Variants in SLC25A21 observed in about 807,000 individuals in gnomAD.
SLC25A21 encodes the protein mitochondrial 2-oxodicarboxylate carrier.
A neutral mutation model predicts 43.8 loss-of-function variants in SLC25A21; 47 were observed. The observed-to-expected ratio is 1.07, with a 90% CI of 0.85 to 1.37. The LOEUF (loss-of-function observed/expected upper bound fraction) is 1.37. SLC25A21 is among the 40% of genes most tolerant of loss of function. The pLI, the probability that SLC25A21 is intolerant of heterozygous loss-of-function variation, is 0.00. For missense variants in SLC25A21, 352 were observed against 350.2 expected (o/e 1.00, Z -0.04); for synonymous variants, 131 against 121.3 (o/e 1.08, Z -0.52).
At chr14:37,080,664 T>C (rs1438793870) in intron 1 of SLC25A21, among the ~76,000 whole-genome samples, 2 of 152,192 alleles carry the variant, frequency 1.3e-5, no homozygotes, top group African/African-American at 4.8e-5. Context: ...GAATACTAAT[T>C]GAACAAATGA....
intron 3 of SLC25A21, among the ~76,000 whole-genome samples, chr14:36,787,530 G>A (rs914693940): frequency 9.9e-5 from 15 of 152,054 alleles, no homozygotes; most frequent in African/African-American, 3.6e-4. Context: ...CAAAATTAAT[G>A]TTGAAATTAA....
Position 36,878,797 on chromosome 14 carries a change from T to C in SLC25A21, c.71-3793A>G, listed in dbSNP as rs539955073. On this transcript the variant is annotated intron_variant, in intron 1 of 9. Coordinates refer to ENST00000331299, the MANE Select transcript of SLC25A21 (RefSeq NM_030631.4). ...ATTGCGATTTTAAGACACTCTGATA[T>C]CAAGACAAATAAGACCTAGAAGTAT... is the stretch of plus-strand genomic sequence containing the variant. Among the ~76,000 whole-genome samples the C allele has an allele frequency of 3.9e-5, 6 of 152,284 alleles. No individual in the cohort carries two copies. The East Asian group carries it at 1.2e-3, about 29-fold the overall frequency.
intron 1 of SLC25A21, among the ~76,000 whole-genome samples, chr14:36,894,261 T>G (rs1891172299): frequency 6.6e-6 from 1 of 152,156 alleles, no homozygotes; most frequent in African/African-American, 2.4e-5. Flanking sequence ...TCACATCCCT[T>G]GTAAGTTGGA....
At chr14:36,976,334 A>T (rs1046492024) in intron 1 of SLC25A21, among the ~76,000 whole-genome samples, 2 of 152,116 alleles carry the variant, frequency 1.3e-5, no homozygotes, top group Admixed American at 1.3e-4. Context: ...GGCAGTCAAA[A>T]TGTTGTCTGT....
intron 1 of SLC25A21, among the ~76,000 whole-genome samples, chr14:37,167,196 TC>T (rs1964043816): frequency 6.6e-6 from 1 of 152,182 alleles, no homozygotes; most frequent in Non-Finnish European, 1.5e-5. Flanking sequence ...CATTCTTCTG[TC>T]TGGTCAGCAG....
intron 1 of SLC25A21, among the ~76,000 whole-genome samples, chr14:37,065,756 TTAGACATA>T (rs1261694067): frequency 6.6e-6 from 1 of 152,204 alleles, no homozygotes; most frequent in Non-Finnish European, 1.5e-5. Flanking sequence ...TATTGAATCA[TTAGACATA>T]TATGGTAAAA....
At chr14:36,885,875 A>G (rs2138574969) in intron 1 of SLC25A21, among the ~76,000 whole-genome samples, 1 of 152,296 alleles carries the variant, frequency 6.6e-6, no homozygotes, top group East Asian at 1.9e-4. Context: ...AAATCTTTGC[A>G]TTGTACTACT....
chr14:36,857,690 T>A (rs949105956), intron 2 of SLC25A21, among the ~76,000 whole-genome samples: 3 of 152,156 alleles, frequency 2.0e-5, no homozygotes, highest in Admixed American at 2.0e-4. Flanking sequence ...AACAGCTGCT[T>A]GTATATGAAG....
intron 1 of SLC25A21, among the ~76,000 whole-genome samples, chr14:36,915,984 C>G (rs544175091): frequency 6.6e-6 from 1 of 152,160 alleles, no homozygotes; most frequent in South Asian, 2.1e-4. Context: ...TACCTGGAAT[C>G]TTTCTCATAT....
At chr14:37,132,761 A>C in intron 1 of SLC25A21, among the ~76,000 whole-genome samples, 1 of 148,820 alleles carries the variant, frequency 6.7e-6, no homozygotes, top group African/African-American at 2.5e-5. Flanking sequence ...ACAGGGTCTC[A>C]CTCTGTCACC....
At chr14:37,063,395 G>A (rs1210630841) in intron 1 of SLC25A21, among the ~76,000 whole-genome samples, 1 of 152,208 alleles carries the variant, frequency 6.6e-6, no homozygotes, top group Admixed American at 6.5e-5. Flanking sequence ...AGCTATTCGG[G>A]AGGCTGAGGC....
intron 1 of SLC25A21, among the ~76,000 whole-genome samples, chr14:37,155,879 C>T (rs989537584): frequency 6.6e-6 from 1 of 152,012 alleles, no homozygotes; most frequent in South Asian, 2.1e-4. Context: ...CAAAAGTAGC[C>T]CAGCCCTGAT....
intron 3 of SLC25A21, among the ~76,000 whole-genome samples, chr14:36,776,006 C>T (rs1292886654): frequency 6.6e-6 from 1 of 152,074 alleles, no homozygotes; most frequent in African/African-American, 2.4e-5. Context: ...CTTGCCCTAC[C>T]ACTTTCACTG....
At chr14:36,865,322 C>A (rs1890184462) in intron 2 of SLC25A21, among the ~76,000 whole-genome samples, 1 of 152,080 alleles carries the variant, frequency 6.6e-6, no homozygotes, top group Admixed American at 6.6e-5. Context: ...CATTTTCACC[C>A]CTCAGAGCCA....
In SLC25A21 at chr14:36,880,194, GAGA is replaced by G. The variant is rs553069238; in HGVS notation, c.71-5193_71-5191del. ...AGCAACATCTGGGAAGTTTTTTAAA[GAGA>G]AGGAGCCTGGTCTTCTCTTTCTCCC... On this transcript the variant is annotated intron_variant, in intron 1 of 9. Transcript: ENST00000331299. 1.5e-3 allele frequency among the ~76,000 whole-genome samples: 230 copies of G among 152,254 alleles called. 1 individual carries two copies. The highest frequency in any genetic ancestry group is 5.1e-3 in the African/African-American group (210 of 41,546).
intron 1 of SLC25A21, among the ~76,000 whole-genome samples, chr14:36,983,807 C>T (rs1011157304): frequency 6.6e-6 from 1 of 152,036 alleles, no homozygotes; most frequent in Admixed American, 6.6e-5. Context: ...TACTAGGCAG[C>T]CCTAAATAAG....
At chr14:36,864,068 T>C (rs1373534419) in intron 2 of SLC25A21, among the ~76,000 whole-genome samples, 5 of 152,218 alleles carry the variant, frequency 3.3e-5, no homozygotes, top group African/African-American at 4.8e-5. Flanking sequence ...CCCTCTGCCT[T>C]TCTCCAGAGG....
At chr14:36,705,478 G>C (rs761657728) in intron 7 of SLC25A21, among the ~76,000 whole-genome samples, 2 of 152,124 alleles carry the variant, frequency 1.3e-5, no homozygotes, top group Non-Finnish European at 2.9e-5. Context: ...CTATTATAAA[G>C]TTAATGCATA....
At position 36,721,189 on chromosome 14, in the gene SLC25A21, C is replaced by T. The variant is rs186223904; in HGVS notation, c.438+4381G>A. 7.0e-3 allele frequency among the ~76,000 whole-genome samples: 1,067 copies of T among 152,338 alleles called. 56 individuals carry two copies. The highest frequency in any genetic ancestry group is 0.066 in the Admixed American group (1,009 of 15,298). ...GCATATATTAACACATTAAAATTCT[C>T]ATAACAATCATGTTGTAATAATAAT... On this transcript the variant is annotated intron_variant, in intron 6 of 9. Transcript: ENST00000331299.
Sources: gnomAD v4.1 joint callset for allele counts (sites outside exome capture counted in the v4.1 genomes callset) on GRCh38, gnomAD v4.1.1 for gene constraint, MANE v1.5 for transcripts, NCBI Gene and HGNC (gene_info 2026-07-23, HGNC 2026-07-21) for gene names.